LHFPL3: variants seen among roughly 807,000 people sequenced by gnomAD.
LHFPL3 encodes LHFPL tetraspan subfamily member 3.
Under a neutral mutation model 19.3 loss-of-function variants are expected in LHFPL3, and 5 were observed. The observed-to-expected ratio is 0.26, with a 90% CI of 0.14 to 0.54. LHFPL3 has a LOEUF of 0.54. LHFPL3 is among the 20% of genes least tolerant of loss of function. The pLI, the probability that LHFPL3 is intolerant of heterozygous loss-of-function variation, is 0.94. For synonymous variants in LHFPL3, 133 were observed against 126.2 expected, an observed-to-expected ratio of 1.05 and a Z score of -0.36; for missense variants, 249 against 307.4, an observed-to-expected ratio of 0.81 and a Z score of 1.42.
Position 104,328,709 on chromosome 7 carries a change from T to C in LHFPL3, c.-71T>C. On this transcript the variant is annotated 5_prime_UTR_variant, in exon 1 of 3. Coordinates refer to ENST00000424859, the MANE Select transcript of LHFPL3 (RefSeq NM_199000.3). The surrounding 1 kb of genome is among the most constrained non-coding windows in gnomAD (Gnocchi z 4.6). ...CAGCGCGCGAGGCTCCGTGAGTGTGTCTCCTGCGCGCTGAGAGGCGGGGGG... is the reference window on the plus strand; with the variant it reads ...CAGCGCGCGAGGCTCCGTGAGTGTGCCTCCTGCGCGCTGAGAGGCGGGGGG... 2 of 1,370,962 alleles carry C rather than the reference T, an allele frequency of 1.5e-6. No homozygotes were observed. Among genetic ancestry groups the C allele is most frequent in the Non-Finnish European group, 2.0e-6 (2 of 1,002,418 alleles). The allele number at this position is 1,370,962 out of a possible 1,614,324, so 84.9% of individuals were successfully genotyped here.
chr7:104,367,328 G>A (rs1195702960), intron 1 of LHFPL3, among the ~76,000 whole-genome samples: 4 of 152,154 alleles, frequency 2.6e-5, no homozygotes, highest in African/African-American at 9.7e-5. Flanking sequence ...AAACATCAGG[G>A]CAGCCCTTGT....
intron 2 of LHFPL3, among the ~76,000 whole-genome samples, chr7:104,741,070 C>T (rs1793927456): frequency 6.6e-6 from 1 of 152,150 alleles, no homozygotes; most frequent in South Asian, 2.1e-4. Flanking sequence ...TTAATCGTCA[C>T]AAAGGTGATA....
intron 1 of LHFPL3, among the ~76,000 whole-genome samples, chr7:104,353,640 A>G (rs866173850): frequency 2.0e-5 from 3 of 152,260 alleles, no homozygotes; most frequent in South Asian, 2.1e-4. Flanking sequence ...TAAATAAGCT[A>G]TGAGCATTAG....
At chr7:104,811,158 CTT>C (rs1790459202) in intron 2 of LHFPL3, among the ~76,000 whole-genome samples, 1 of 20,924 alleles carries the variant, frequency 4.8e-5, no homozygotes, top group Non-Finnish European at 1.9e-4. Flanking sequence ...CTTTTTCTTT[CTT>C]TCTTTCTTTC....
intron 1 of LHFPL3, among the ~76,000 whole-genome samples, chr7:104,430,448 ATATATATTTTTTTTTTTTTTTT>A (rs1791974022): frequency 9.5e-5 from 2 of 21,100 alleles, no homozygotes; most frequent in African/African-American, 2.7e-4. Flanking sequence ...ATATATATAT[ATATATATTTTTTTTTTTTTTTT>A]TTTTTTTTTT....
intron 1 of LHFPL3, among the ~76,000 whole-genome samples, chr7:104,553,096 A>T (rs1794692182): frequency 6.6e-6 from 1 of 152,166 alleles, no homozygotes; most frequent in African/African-American, 2.4e-5. Flanking sequence ...TCTTTGTTGT[A>T]AGGTACTCTT....
In LHFPL3 at chr7:104,907,910, C is replaced by A. The variant is rs1044538760; in HGVS notation, c.*1695C>A. Among the ~76,000 whole-genome samples the A allele has an allele frequency of 2.0e-5, 3 of 152,200 alleles. No homozygotes were observed. Among genetic ancestry groups the A allele is most frequent in the Admixed American group, 2.0e-4 (3 of 15,276 alleles). ...GCTCAAAGGAGTAAAACCCAATTCA[C>A]AGAGATGTGGCTTTTCTAAAGAACC... On this transcript the variant is annotated 3_prime_UTR_variant, in exon 3 of 3. Transcript: ENST00000424859.
At chr7:104,765,485 G>A (rs187210751) in intron 2 of LHFPL3, among the ~76,000 whole-genome samples, 39 of 152,302 alleles carry the variant, frequency 2.6e-4, no homozygotes, top group African/African-American at 9.4e-4. Flanking sequence ...GACAGTATTA[G>A]CATAAGGGAT....
intron 1 of LHFPL3, among the ~76,000 whole-genome samples, chr7:104,517,652 G>T (rs144967282): frequency 6.6e-6 from 1 of 151,696 alleles, no homozygotes; most frequent in East Asian, 1.9e-4. Context: ...GCTTACAGGC[G>T]CCCACCACCA....
chr7:104,500,952 A>C (rs1031902672), intron 1 of LHFPL3, among the ~76,000 whole-genome samples: 4 of 152,138 alleles, frequency 2.6e-5, no homozygotes, highest in Non-Finnish European at 5.9e-5. Flanking sequence ...TCTCTCCTAT[A>C]ATCCCAGGCA....
intron 2 of LHFPL3, among the ~76,000 whole-genome samples, chr7:104,807,086 G>T (rs925320303): frequency 6.7e-6 from 1 of 149,790 alleles, no homozygotes; most frequent in Non-Finnish European, 1.5e-5. Context: ...ACCTCAGAAT[G>T]TAATTTTATT....
At chr7:104,517,505 C>A (rs1209069803) in intron 1 of LHFPL3, among the ~76,000 whole-genome samples, 1 of 143,174 alleles carries the variant, frequency 7.0e-6, no homozygotes, top group African/African-American at 2.6e-5. Flanking sequence ...AATTGATTGG[C>A]CTTTTTTTTT....
At chr7:104,661,030 C>T (rs776214096) in intron 1 of LHFPL3, among the ~76,000 whole-genome samples, 6 of 152,142 alleles carry the variant, frequency 3.9e-5, no homozygotes, top group Non-Finnish European at 5.9e-5. Flanking sequence ...ATTATTAGTA[C>T]AACTAACCTT....
At chr7:104,521,671 T>C (rs1794066546) in intron 1 of LHFPL3, among the ~76,000 whole-genome samples, 1 of 151,870 alleles carries the variant, frequency 6.6e-6, no homozygotes, top group Non-Finnish European at 1.5e-5. Context: ...GAATCTACAA[T>C]GAACAAACAA....
At chr7:104,658,228 C>A (rs1306127386) in intron 1 of LHFPL3, among the ~76,000 whole-genome samples, 1 of 152,150 alleles carries the variant, frequency 6.6e-6, no homozygotes, top group South Asian at 2.1e-4. Context: ...GTTCTCAGTT[C>A]TGATTTCTTT....
intron 1 of LHFPL3, among the ~76,000 whole-genome samples, chr7:104,383,237 ATCT>A (rs547545977): frequency 2.8e-3 from 434 of 152,318 alleles, no homozygotes; most frequent in African/African-American, 9.3e-3. Flanking sequence ...TTAAGGAGAC[ATCT>A]TCTTAGCACA....
chr7:104,362,749 G>A (rs1790414047), intron 1 of LHFPL3, among the ~76,000 whole-genome samples: 1 of 152,240 alleles, frequency 6.6e-6, no homozygotes, highest in African/African-American at 2.4e-5. Flanking sequence ...AAAATTCAGA[G>A]GCTAGAGTTC....
chr7:104,694,295 A>G (rs1047115902), intron 1 of LHFPL3, among the ~76,000 whole-genome samples: 2 of 152,186 alleles, frequency 1.3e-5, no homozygotes, highest in African/African-American at 4.8e-5. Context: ...AAAATTTCCT[A>G]GGGGGACAAT....
At chr7:104,340,894 C>T (rs868184237) in intron 1 of LHFPL3, among the ~76,000 whole-genome samples, 5 of 152,194 alleles carry the variant, frequency 3.3e-5, no homozygotes, top group Middle Eastern at 3.4e-3. Flanking sequence ...TGCAACTACA[C>T]AAACTTAAAA....
Sources: allele counts gnomAD v4.1 joint callset (sites outside exome capture counted in the v4.1 genomes callset), GRCh38; gene constraint gnomAD v4.1.1; non-coding constraint Gnocchi (gnomAD v3.1); transcripts MANE v1.5; gene names NCBI Gene and HGNC (gene_info 2026-07-23, HGNC 2026-07-21).